Variants in ERC2 observed in about 807,000 individuals in gnomAD.
ERC2 encodes the protein ERC protein 2.
ERC2 carries 42 observed loss-of-function variants against 114.8 expected under a neutral mutation model. The observed-to-expected ratio is 0.37, with a 90% confidence interval of 0.29 to 0.47. The LOEUF is 0.47. ERC2 is among the 20% of genes least tolerant of loss of function. The pLI is 0.99. For missense variants in ERC2, 939 were observed against 1,150.7 expected (o/e 0.82, Z 2.66); for synonymous variants, 454 against 425.5 (o/e 1.07, Z -0.82).
intron 3 of ERC2, among the ~76,000 whole-genome samples, chr3:56,200,221 A>G (rs2048333520): frequency 6.6e-6 from 1 of 152,000 alleles, no homozygotes; most frequent in East Asian, 1.9e-4. Context: ...TTCCCCCAAG[A>G]AACCCTCACA....
intron 14 of ERC2, among the ~76,000 whole-genome samples, chr3:55,831,688 G>A (rs1341698226): frequency 1.3e-5 from 2 of 152,176 alleles, no homozygotes; most frequent in African/African-American, 2.4e-5. Context: ...TGACACAGAA[G>A]ATGGGTGATT....
At chr3:55,729,660 C>G (rs1575410005) in intron 15 of ERC2, among the ~76,000 whole-genome samples, 1 of 151,210 alleles carries the variant, frequency 6.6e-6, no homozygotes, top group South Asian at 2.1e-4. Flanking sequence ...CTAGCGAGAC[C>G]TTGTCTCTTC....
chr3:56,346,791 A>T (rs1205150357), intron 2 of ERC2, among the ~76,000 whole-genome samples: 5 of 152,198 alleles, frequency 3.3e-5, no homozygotes, highest in African/African-American at 1.2e-4. Context: ...GGAGACTGGG[A>T]CGTCCAATAT....
intron 14 of ERC2, among the ~76,000 whole-genome samples, chr3:55,828,412 T>C (rs920998292): frequency 1.5e-4 from 21 of 142,850 alleles, no homozygotes; most frequent in African/African-American, 6.0e-4. Context: ...CCTATTTTGT[T>C]CTTCCTTTTT....
At chr3:55,708,815 A>C (rs1466320946) in intron 15 of ERC2, among the ~76,000 whole-genome samples, 2 of 151,948 alleles carry the variant, frequency 1.3e-5, no homozygotes, top group Admixed American at 6.6e-5. Flanking sequence ...GGGAATAAAT[A>C]AAGGAAGGAA....
chr3:56,061,367 A>G (rs1346381982), intron 7 of ERC2, among the ~76,000 whole-genome samples: 1 of 152,084 alleles, frequency 6.6e-6, no homozygotes, highest in African/African-American at 2.4e-5. Flanking sequence ...GTGATTTTCT[A>G]CCTCCTGCTT....
intron 13 of ERC2, among the ~76,000 whole-genome samples, chr3:55,933,082 G>A (rs2066208334): frequency 6.6e-6 from 1 of 152,050 alleles, no homozygotes; most frequent in African/African-American, 2.4e-5. Flanking sequence ...GGTGGTGAGT[G>A]CCTGTAATCC....
At chr3:55,841,414 G>A (rs1457910157) in intron 14 of ERC2, among the ~76,000 whole-genome samples, 2 of 152,208 alleles carry the variant, frequency 1.3e-5, no homozygotes, top group African/African-American at 2.4e-5. Flanking sequence ...TTTGCTTCTC[G>A]TTTGCCTTCT....
At chr3:56,260,087 T>C (rs1024461855) in intron 3 of ERC2, among the ~76,000 whole-genome samples, 1 of 152,196 alleles carries the variant, frequency 6.6e-6, no homozygotes, top group Non-Finnish European at 1.5e-5. Flanking sequence ...GTCTGAACTT[T>C]TCATACACTG....
intron 14 of ERC2, among the ~76,000 whole-genome samples, chr3:55,776,096 C>G (rs1000409737): frequency 7.0e-6 from 1 of 142,558 alleles, no homozygotes; most frequent in Non-Finnish European, 1.5e-5. Flanking sequence ...ATCAAAACAC[C>G]AACACATACT....
At chr3:55,575,192 T>A (rs1463271636) in intron 17 of ERC2, among the ~76,000 whole-genome samples, 2 of 152,086 alleles carry the variant, frequency 1.3e-5, no homozygotes, top group Non-Finnish European at 2.9e-5. Flanking sequence ...TTTTTTGGTA[T>A]TTTTTAGTAG....
At chr3:55,934,065 T>C (rs1296138340) in intron 13 of ERC2, among the ~76,000 whole-genome samples, 2 of 152,162 alleles carry the variant, frequency 1.3e-5, no homozygotes, top group East Asian at 3.9e-4. Flanking sequence ...CATTTGAAAA[T>C]GGATATGCAT....
chr3:56,357,828 A>C (rs1412923017), intron 2 of ERC2, among the ~76,000 whole-genome samples: 1 of 150,102 alleles, frequency 6.7e-6, no homozygotes, highest in African/African-American at 2.5e-5. Context: ...CTAAATAAAT[A>C]CTGCAAGCCT....
At chr3:56,047,268 T>C (rs1277227724) in intron 7 of ERC2, among the ~76,000 whole-genome samples, 2 of 152,230 alleles carry the variant, frequency 1.3e-5, no homozygotes, top group African/African-American at 4.8e-5. Flanking sequence ...ACAACTTCTA[T>C]GCTTTGTTAA....
At chr3:56,212,746 A>G (rs1560385614) in intron 3 of ERC2, among the ~76,000 whole-genome samples, 1 of 151,962 alleles carries the variant, frequency 6.6e-6, no homozygotes, top group Admixed American at 6.6e-5. Flanking sequence ...TATGATATAT[A>G]TATGTGTGTG....
At chr3:55,791,419 A>T (rs922597169) in intron 14 of ERC2, among the ~76,000 whole-genome samples, 1 of 152,174 alleles carries the variant, frequency 6.6e-6, no homozygotes, top group Non-Finnish European at 1.5e-5. Context: ...TATATATATA[A>T]AACAGCAGAC....
intron 17 of ERC2, among the ~76,000 whole-genome samples, chr3:55,536,747 T>C (rs1294082823): frequency 3.3e-5 from 5 of 152,160 alleles, no homozygotes; most frequent in African/African-American, 1.2e-4. Flanking sequence ...ACCATCTTAC[T>C]CAGATATCAA....
intron 2 of ERC2, among the ~76,000 whole-genome samples, chr3:56,299,127 TTTTGTTTGTTTG>T (rs1438522425): frequency 1.5e-4 from 17 of 110,838 alleles, no homozygotes; most frequent in African/African-American, 4.3e-4. Context: ...TTGTTTTTTT[TTTTGTTTGTTTG>T]TTTTTTGAGA....
intron 1 of ERC2, among the ~76,000 whole-genome samples, chr3:56,450,678 T>G (rs1040833811): frequency 7.2e-5 from 11 of 151,804 alleles, no homozygotes; most frequent in Admixed American, 3.9e-4. Context: ...AATTCAAAAA[T>G]AAATTAGTCA....
Sources: gnomAD v4.1 joint callset for allele counts (sites outside exome capture counted in the v4.1 genomes callset) on GRCh38, gnomAD v4.1.1 for gene constraint, MANE v1.5 for transcripts, NCBI Gene and HGNC (gene_info 2026-07-23, HGNC 2026-07-21) for gene names.